Variants in ASNS observed in about 807,000 individuals in gnomAD.
ASNS encodes asparagine synthetase (glutamine-hydrolyzing), also known as asparagine synthetase [glutamine-hydrolyzing].
ASNS carries 37 observed loss-of-function variants against 62.6 expected under a neutral mutation model. The observed-to-expected ratio is 0.59, with a 90% confidence interval of 0.45 to 0.78. The LOEUF is 0.78. Ranked by LOEUF, ASNS falls within the 30% of genes least tolerant of loss-of-function variation. The pLI is 0.00. For missense variants in ASNS, 520 were observed against 682.4 expected (o/e 0.76, Z 2.65); for synonymous variants, 207 against 237.9 (o/e 0.87, Z 1.19).
the ASNS span, among the ~76,000 whole-genome samples, chr7:97,924,132 G>A: frequency 1.3e-5 from 2 of 150,848 alleles, no homozygotes; most frequent in African/African-American, 4.9e-5. Context: ...AACACAGCCC[G>A]CACTCCACAA....
chr7:97,889,524 CA>C, the ASNS span, among the ~76,000 whole-genome samples: 6 of 148,790 alleles, frequency 4.0e-5, no homozygotes, highest in Admixed American at 1.3e-4. Flanking sequence ...TCAACAACCA[CA>C]AAAAAAAACA....
the ASNS span, among the ~76,000 whole-genome samples, chr7:97,877,765 G>T: frequency 6.6e-6 from 1 of 150,460 alleles, no homozygotes; most frequent in African/African-American, 2.4e-5. Flanking sequence ...ATTAGGTCTG[G>T]CCCACCTAAG....
the ASNS span, among the ~76,000 whole-genome samples, chr7:97,911,850 AG>A: frequency 6.6e-6 from 1 of 152,030 alleles, no homozygotes; most frequent in Non-Finnish European, 1.5e-5. Flanking sequence ...CATGGAAGAA[AG>A]GAATGGAAGA....
the ASNS span, among the ~76,000 whole-genome samples, chr7:97,912,681 C>T: frequency 6.8e-6 from 1 of 146,692 alleles, no homozygotes; most frequent in Admixed American, 7.0e-5. Flanking sequence ...CTCCTGAGCT[C>T]AAATGATTCT....
chr7:97,907,139 C>T, the ASNS span, among the ~76,000 whole-genome samples: 3 of 152,216 alleles, frequency 2.0e-5, no homozygotes, highest in African/African-American at 7.2e-5. Context: ...TACTCTCTCA[C>T]CATTACTGCG....
the ASNS span, among the ~76,000 whole-genome samples, chr7:97,907,248 C>T: frequency 6.6e-6 from 1 of 152,194 alleles, no homozygotes; most frequent in Non-Finnish European, 1.5e-5. Flanking sequence ...TGGTGTCTTC[C>T]TTCTCTGATG....
the ASNS span, chr7:97,913,097 G>A: frequency 6.6e-6 from 1 of 152,012 alleles, no homozygotes; most frequent in African/African-American, 2.4e-5. Context: ...AGGAGACTGA[G>A]GCAGAGGCTT....
the ASNS span, among the ~76,000 whole-genome samples, chr7:97,917,216 CAAAA>C: frequency 6.5e-3 from 734 of 113,296 alleles, no homozygotes; most frequent in African/African-American, 0.018. Flanking sequence ...ATATTTGCAC[CAAAA>C]AAAAAAAAAA....
intron 9 of ASNS, chr7:97,854,897 G>C: frequency 2.9e-6 from 2 of 685,678 alleles, no homozygotes; most frequent in Non-Finnish European, 4.6e-6. Context: ...ATGGGCAACA[G>C]TCATAATTCC....
chr7:97,921,598 G>A, the ASNS span, among the ~76,000 whole-genome samples: 1 of 152,198 alleles, frequency 6.6e-6, no homozygotes, highest in African/African-American at 2.4e-5. Flanking sequence ...AATGGAGAAG[G>A]CAAGCAGCCC....
At position 97,853,204 on chromosome 7, in the gene ASNS, T is replaced by G; in HGVS notation, c.1332A>C (p.Glu444Asp). The change falls in exon 12 of 13, where the codon GAA becomes GAC. Residue 444 changes from glutamate (E) to aspartate (D), a missense_variant. Glu to Asp is a conservative substitution (Grantham distance 45, BLOSUM62 2). Coordinates refer to ENST00000394308, the MANE Select transcript of ASNS (RefSeq NM_001673.5). ...CAAACGTCTCTCTCAGGAGATGTTT[T>G]TCTATCCCATTCTGACGTGACAAAA... Reference protein sequence around the residue: ...PEMRIPKNGIEKHLLRETFED... With the variant: ...PEMRIPKNGIDKHLLRETFED... 2 of 1,606,074 alleles carry G rather than the reference T, an allele frequency of 1.2e-6. No individual in the cohort carries two copies. The highest frequency in any genetic ancestry group is 1.7e-6 in the Non-Finnish European group (2 of 1,176,664).
the ASNS span, among the ~76,000 whole-genome samples, chr7:97,882,005 C>T: frequency 6.6e-6 from 1 of 152,068 alleles, no homozygotes; most frequent in East Asian, 1.9e-4. Flanking sequence ...GCATGTACCA[C>T]CACGCCTGGC....
At chr7:97,895,203 G>C in the ASNS span, among the ~76,000 whole-genome samples, 6,806 of 152,174 alleles carry the variant, frequency 0.045, 341 homozygotes, top group African/African-American at 0.12. Flanking sequence ...AACAAATTAT[G>C]CATACAAGGA....
chr7:97,885,066 AT>A, the ASNS span, among the ~76,000 whole-genome samples: 1 of 152,148 alleles, frequency 6.6e-6, no homozygotes, highest in African/African-American at 2.4e-5. Flanking sequence ...CTAATTTTGT[AT>A]TTTTAGTAGA....
At chr7:97,857,650 C>A (rs73140945) in intron 7 of ASNS, among the ~76,000 whole-genome samples, 1 of 149,542 alleles carries the variant, frequency 6.7e-6, no homozygotes, top group African/African-American at 2.4e-5. Context: ...AACAAAAAAC[C>A]CGTTTTTTTA....
chr7:97,896,735 C>CATATATATATAT, the ASNS span, among the ~76,000 whole-genome samples: 90 of 24,884 alleles, frequency 3.6e-3, no homozygotes, highest in Admixed American at 4.3e-3. Context: ...CACACACACA[C>CATATATATATAT]ACACACATAT....
chr7:97,875,780 T>C (rs1339587594), upstream of ASNS, among the ~76,000 whole-genome samples: 3 of 152,196 alleles, frequency 2.0e-5, no homozygotes, highest in Non-Finnish European at 4.4e-5. Flanking sequence ...TTAAACACAG[T>C]TACTTATTTG....
chr7:97,897,374 A>G, the ASNS span, among the ~76,000 whole-genome samples: 1 of 152,244 alleles, frequency 6.6e-6, no homozygotes, highest in Non-Finnish European at 1.5e-5. Context: ...GCCAAACGCA[A>G]TTGCCACAAA....
At position 97,864,486 on chromosome 7, in the gene ASNS, T is replaced by C. The variant is rs1791872128; in HGVS notation, c.260A>G (p.His87Arg). The C allele has an allele frequency of 2.5e-6, 4 of 1,613,462 alleles. No individual in the cohort carries two copies. Among genetic ancestry groups the C allele is most frequent in the Middle Eastern group, 1.7e-4 (1 of 6,048 alleles). ...TTTGGTCTGGTATTCAAATTCAAAA[T>C]GCTGTTGCATCTTAGGAAGCGAAAG... ...EIYNHKKMQQ[H>R]FEFEYQTKVD... Residue 87 changes from histidine (H) to arginine (R), a missense_variant, in exon 4 of 13, where the codon CAT becomes CGT. Physicochemically the swap from His to Arg is conservative, Grantham distance 29. Transcript: ENST00000394308.
Sources: gnomAD v4.1 joint callset for allele counts (sites outside exome capture counted in the v4.1 genomes callset) on GRCh38, gnomAD v4.1.1 for gene constraint, MANE v1.5 for transcripts, NCBI Gene and HGNC (gene_info 2026-07-23, HGNC 2026-07-21) for gene names.